The following TBC1D30 variants were observed in gnomAD, a reference collection of about 807,000 sequenced individuals.
TBC1D30 encodes TBC1 domain family member 30, also known as TBC1 domain family, member 30.
In TBC1D30, 31 loss-of-function variants were observed where a neutral mutation model predicts 63.2. The observed-to-expected ratio is 0.49, with a 90% confidence interval of 0.37 to 0.66. The LOEUF is 0.66. Among genes scored for constraint, TBC1D30 ranks in the 30% least tolerant of loss-of-function variants. TBC1D30 has a pLI of 0.00. For missense variants in TBC1D30, 810 were observed against 953.6 expected, an observed-to-expected ratio of 0.85 and a Z score of 1.98; for synonymous variants, 307 against 361.5, an observed-to-expected ratio of 0.85 and a Z score of 1.71.
At chr12:64,808,822 A>G (rs995943307) in intron 2 of TBC1D30, among the ~76,000 whole-genome samples, 2 of 151,804 alleles carry the variant, frequency 1.3e-5, no homozygotes, top group African/African-American at 2.4e-5. Flanking sequence ...TAATGTCATC[A>G]AGGTTCATCC....
chr12:64,867,003 G>T (rs1878276934), intron 10 of TBC1D30, 100 bp downstream of exon 10: 2 of 1,324,872 alleles, frequency 1.5e-6, no homozygotes, highest in Non-Finnish European at 2.0e-6. Context: ...TTTCTGAACT[G>T]GTTACAACTA....
intron 7 of TBC1D30, among the ~76,000 whole-genome samples, chr12:64,840,298 G>A (rs1159322835): frequency 1.3e-5 from 2 of 152,146 alleles, no homozygotes; most frequent in Non-Finnish European, 2.9e-5. Context: ...TAGTCCAGTT[G>A]CTGCATAGCT....
chr12:64,826,673 C>T (rs541901119), intron 1 of TBC1D30, among the ~76,000 whole-genome samples: 4 of 151,690 alleles, frequency 2.6e-5, no homozygotes, highest in East Asian at 3.9e-4. Flanking sequence ...AATATTCCTT[C>T]GGAGAAAAAA....
chr12:64,871,502 T>A (rs1000830659), intron 11 of TBC1D30, among the ~76,000 whole-genome samples: 1 of 151,946 alleles, frequency 6.6e-6, no homozygotes, highest in African/African-American at 2.4e-5. Flanking sequence ...GAAATATAAA[T>A]TTGACATGTT....
upstream of TBC1D30, among the ~76,000 whole-genome samples, chr12:64,776,353 TAGAC>T (rs371086508): frequency 1.1e-4 from 16 of 152,002 alleles, no homozygotes; most frequent in South Asian, 3.3e-3. Flanking sequence ...ATAAGATAGA[TAGAC>T]CACTAGGTAG....
intron 2 of TBC1D30, among the ~76,000 whole-genome samples, chr12:64,815,620 A>G (rs1873477732): frequency 6.6e-6 from 1 of 152,238 alleles, no homozygotes; most frequent in East Asian, 1.9e-4. Context: ...GAAAAAACTC[A>G]TAAAGCATTT....
chr12:64,860,163 A>G (rs775136645), intron 8 of TBC1D30, among the ~76,000 whole-genome samples: 4 of 151,734 alleles, frequency 2.6e-5, no homozygotes, highest in Non-Finnish European at 4.4e-5. Flanking sequence ...GTCTACAGGC[A>G]TGTGCCACCA....
Position 64,877,027 on chromosome 12 carries a change from A to G in TBC1D30, c.*1239A>G. 1 of 391,834 alleles carries G rather than the reference A, an allele frequency of 2.6e-6. No homozygotes were observed. The highest frequency in any genetic ancestry group is 2.8e-5 in the Admixed American group (1 of 35,162). 24.3% of individuals were successfully genotyped at this position (391,834 alleles called of 1,614,324 possible). On this transcript the variant is annotated 3_prime_UTR_variant, in exon 12 of 12. Coordinates refer to ENST00000539867, the MANE Select transcript of TBC1D30 (RefSeq NM_015279.2). ...CTCTTTGTACACAGATGTATTGGCT[A>G]CATAGCGTGTAAAAACCAAGACTGG...
chr12:64,785,952 C>T (rs1396577280), exon 2 of TBC1D30: 13 of 1,289,692 alleles, frequency 1.0e-5, no homozygotes, highest in African/African-American at 1.5e-5. Context: ...CAAGTTACTT[C>T]GGCATCTGAA....
chr12:64,823,750 A>G (rs758172540), upstream of TBC1D30, among the ~76,000 whole-genome samples: 2 of 152,150 alleles, frequency 1.3e-5, no homozygotes, highest in Non-Finnish European at 2.9e-5. Context: ...TCAGCCTGCC[A>G]AGTAGCTGGG....
exon 1 of TBC1D30, chr12:64,780,931 A>G: frequency 6.7e-6 from 7 of 1,045,378 alleles, no homozygotes; most frequent in Non-Finnish European, 8.1e-6. Context: ...CAGCTCCCCC[A>G]GCCCCGCGCC....
chr12:64,799,835 A>G (rs1872501415), intron 2 of TBC1D30, among the ~76,000 whole-genome samples: 1 of 152,194 alleles, frequency 6.6e-6, no homozygotes, highest in African/African-American at 2.4e-5. Context: ...GGCCGGGCGC[A>G]GTGGCTCATG....
upstream of TBC1D30, among the ~76,000 whole-genome samples, chr12:64,823,838 G>A (rs1457816884): frequency 6.6e-6 from 1 of 152,034 alleles, no homozygotes; most frequent in Non-Finnish European, 1.5e-5. Context: ...TGTTATTCCA[G>A]AGCCAAAACT....
chr12:64,775,502 T>G (rs965867756), intron 1 of TBC1D30, among the ~76,000 whole-genome samples: 7 of 152,000 alleles, frequency 4.6e-5, no homozygotes, highest in Admixed American at 2.0e-4. Context: ...CAAAACAAAC[T>G]TTAAACCAAC....
intron 1 of TBC1D30, among the ~76,000 whole-genome samples, chr12:64,762,721 C>G (rs959073529): frequency 3.9e-5 from 6 of 152,080 alleles, no homozygotes; most frequent in African/African-American, 1.4e-4. Context: ...CATTATATGG[C>G]TATGTGCTCT....
intron 5 of TBC1D30, among the ~76,000 whole-genome samples, chr12:64,836,165 C>G (rs1875328887): frequency 7.2e-5 from 11 of 152,194 alleles, no homozygotes; most frequent in Admixed American, 6.5e-4. Flanking sequence ...GCTGCACAAG[C>G]TTGGGCTTTG....
At chr12:64,772,157 A>G (rs1870927692) in intron 1 of TBC1D30, among the ~76,000 whole-genome samples, 1 of 150,766 alleles carries the variant, frequency 6.6e-6, no homozygotes, top group Non-Finnish European at 1.5e-5. Flanking sequence ...GAATCGCTTG[A>G]ACCCAGGAGG....
chr12:64,786,851 G>A (rs1199682702), intron 2 of TBC1D30, among the ~76,000 whole-genome samples: 3 of 151,882 alleles, frequency 2.0e-5, no homozygotes, highest in Non-Finnish European at 4.4e-5. Context: ...GTTGAGGCAG[G>A]AGAATCACTT....
intron 1 of TBC1D30, among the ~76,000 whole-genome samples, chr12:64,764,768 T>G (rs1442901766): frequency 6.6e-6 from 1 of 152,216 alleles, no homozygotes; most frequent in African/African-American, 2.4e-5. Context: ...TGTATAGATT[T>G]AAAAGCTCCA....
Sources: gnomAD v4.1 joint callset for allele counts (sites outside exome capture counted in the v4.1 genomes callset) on GRCh38, gnomAD v4.1.1 for gene constraint, MANE v1.5 for transcripts, NCBI Gene and HGNC (gene_info 2026-07-23, HGNC 2026-07-21) for gene names.